Variants in RBPMS observed in about 807,000 individuals in gnomAD.
The protein encoded by RBPMS is RNA binding protein, mRNA processing factor, also known as RNA-binding protein with multiple splicing.
A neutral mutation model predicts 26.8 loss-of-function variants in RBPMS; 7 were observed. That is an observed-to-expected ratio of 0.26 (90% CI 0.15 to 0.49). RBPMS has a LOEUF of 0.49. Ranked by LOEUF, RBPMS falls within the 20% of genes least tolerant of loss-of-function variation. The probability of loss-of-function intolerance (pLI) is 0.98; values close to 1 mark genes in which losing one functional copy is unlikely to be tolerated. For missense variants in RBPMS, 186 were observed against 250.0 expected, an observed-to-expected ratio of 0.74 and a Z score of 1.73; for synonymous variants, 96 against 93.3, an observed-to-expected ratio of 1.03 and a Z score of -0.17.
chr8:30,547,801 A>AG (rs1271936518), intron 6 of RBPMS, among the ~76,000 whole-genome samples: 2 of 152,194 alleles, frequency 1.3e-5, no homozygotes, highest in Non-Finnish European at 2.9e-5. Flanking sequence ...GCGTCTAGCT[A>AG]GGGGAGCCCC....
intron 1 of RBPMS, chr8:30,446,838 TGTGTGCGC>T (rs60313548): frequency 0.11 from 9,815 of 91,678 alleles, 394 homozygotes; most frequent in African/African-American, 0.16. Context: ...TGTGTGTGTG[TGTGTGCGC>T]GCGCGCGCGC....
chr8:30,549,793 T>TCTCTCC (rs1464873852), intron 6 of RBPMS, among the ~76,000 whole-genome samples: 1 of 109,368 alleles, frequency 9.1e-6, no homozygotes, highest in African/African-American at 4.1e-5. Context: ...TCTCTCTCTC[T>TCTCTCC]CTCCCCTCTC....
chr8:30,412,965 C>T (rs746045724), intron 1 of RBPMS, among the ~76,000 whole-genome samples: 31 of 152,268 alleles, frequency 2.0e-4, no homozygotes, highest in Non-Finnish European at 3.8e-4. Flanking sequence ...ACCCAAGAAC[C>T]GTATTTGTTT....
At chr8:30,558,614 G>A (rs1827176472) in intron 6 of RBPMS, 2 of 551,268 alleles carry the variant, frequency 3.6e-6, no homozygotes, top group Non-Finnish European at 6.6e-6. Flanking sequence ...TTAAAAGGAG[G>A]ATGAGAGCAG....
At chr8:30,463,434 C>A (rs893327189) in intron 1 of RBPMS, among the ~76,000 whole-genome samples, 2 of 152,190 alleles carry the variant, frequency 1.3e-5, no homozygotes, top group Non-Finnish European at 2.9e-5. Context: ...CCAGAGGCCT[C>A]TGTTACTCAT....
intron 1 of RBPMS, among the ~76,000 whole-genome samples, chr8:30,419,428 A>G (rs1810476817): frequency 7.0e-6 from 1 of 143,216 alleles, no homozygotes; most frequent in Non-Finnish European, 1.5e-5. Context: ...CCTGGGCGAC[A>G]GAGTGAGATT....
intron 8 of RBPMS, among the ~76,000 whole-genome samples, chr8:30,570,102 A>G (rs1052452160): frequency 1.6e-4 from 24 of 152,200 alleles, no homozygotes; most frequent in East Asian, 3.8e-4. Context: ...CCCGTACGCT[A>G]TGTTTCAGTG....
rs1811429221 is a variant in RBPMS, at chr8:30,426,931, T to A, written c.66+41773T>A. Among the ~76,000 whole-genome samples, 3 of 152,198 alleles carry A rather than the reference T, an allele frequency of 2.0e-5. No individual in the cohort carries two copies. In the South Asian group the frequency reaches 6.2e-4, roughly 32 times the overall value. On this transcript the variant is annotated intron_variant, in intron 1 of 8. Coordinates refer to ENST00000397323, the MANE Select transcript of RBPMS (RefSeq NM_001008710.3). ...CTTTAGAGTATATGGCAATTCAACA[T>A]CAGAACTTGTTTACTGCCCCTTCCC...
chr8:30,542,668 G>A (rs1474950872), intron 5 of RBPMS, among the ~76,000 whole-genome samples: 4 of 152,228 alleles, frequency 2.6e-5, no homozygotes, highest in African/African-American at 9.6e-5. Flanking sequence ...AAATAGCCTG[G>A]TCGCTAAACA....
At position 30,453,814 on chromosome 8, in the gene RBPMS, AATTGAAT is replaced by A. The variant is rs1348208388; in HGVS notation, c.67-20964_67-20958del. 6.6e-5 allele frequency: 10 copies of A among 152,298 alleles called. No homozygotes were observed. The East Asian group carries it at 1.9e-3, about 29-fold the overall frequency. The allele number at this position is 152,298 out of a possible 1,614,324, so 9.4% of individuals were successfully genotyped here. ...ATCTCATCTCAGTGGGAGTAGGTAC[AATTGAAT>A]GTTATTTGTATGTTTTTTTAAAACT... On this transcript the variant is annotated intron_variant, in intron 1 of 8. Coordinates refer to ENST00000397323, the MANE Select transcript of RBPMS (RefSeq NM_001008710.3).
chr8:30,413,002 C>A (rs1809628517), intron 1 of RBPMS, among the ~76,000 whole-genome samples: 1 of 152,200 alleles, frequency 6.6e-6, no homozygotes, highest in African/African-American at 2.4e-5. Context: ...AAGATGGGGC[C>A]ACTGAAGTCC....
intron 1 of RBPMS, among the ~76,000 whole-genome samples, chr8:30,391,634 A>T (rs1232673279): frequency 6.6e-6 from 1 of 152,182 alleles, no homozygotes; most frequent in African/African-American, 2.4e-5. Flanking sequence ...CTTATTTGTC[A>T]TATGGGGATA....
At chr8:30,449,583 CTTG>C (rs1814302939) in intron 1 of RBPMS, among the ~76,000 whole-genome samples, 2 of 152,188 alleles carry the variant, frequency 1.3e-5, no homozygotes, top group African/African-American at 4.8e-5. Flanking sequence ...GTTGGCCAGG[CTTG>C]TCTCAAACTC....
chr8:30,450,673 T>G (rs1814456182), intron 1 of RBPMS, among the ~76,000 whole-genome samples: 1 of 151,446 alleles, frequency 6.6e-6, no homozygotes, highest in Admixed American at 6.6e-5. Context: ...TCCAGAGAGC[T>G]GCATGGCTGT....
chr8:30,442,682 AGGTGCGCGGCC>A (rs770936796), intron 1 of RBPMS: 9 of 152,278 alleles, frequency 5.9e-5, no homozygotes, highest in Non-Finnish European at 1.0e-4. Flanking sequence ...AAGCTGGGTC[AGGTGCGCGGCC>A]GCACTTCTGG....
At chr8:30,509,688 G>T (rs560629885) in intron 5 of RBPMS, among the ~76,000 whole-genome samples, 6 of 152,176 alleles carry the variant, frequency 3.9e-5, no homozygotes, top group Non-Finnish European at 5.9e-5. Flanking sequence ...TCAGTTTCAC[G>T]CCTGCTCTCC....
At chr8:30,553,101 C>T (rs370946702) in intron 6 of RBPMS, 2 of 152,238 alleles carry the variant, frequency 1.3e-5, no homozygotes, top group South Asian at 2.1e-4. Context: ...TAGATCATAG[C>T]GACTTAATTG....
At chr8:30,386,179 A>G (rs773689878) in intron 1 of RBPMS, among the ~76,000 whole-genome samples, 1 of 152,232 alleles carries the variant, frequency 6.6e-6, no homozygotes, top group East Asian at 1.9e-4. Flanking sequence ...ATCCTGATAT[A>G]GGTGAACACA....
At chr8:30,510,150 G>T (rs887184865) in intron 5 of RBPMS, among the ~76,000 whole-genome samples, 2 of 152,236 alleles carry the variant, frequency 1.3e-5, no homozygotes, top group East Asian at 3.9e-4. Flanking sequence ...GTAGAGCACT[G>T]TGTATTCATA....
Sources: gnomAD v4.1 joint callset for allele counts (sites outside exome capture counted in the v4.1 genomes callset) on GRCh38, gnomAD v4.1.1 for gene constraint, MANE v1.5 for transcripts, NCBI Gene and HGNC (gene_info 2026-07-23, HGNC 2026-07-21) for gene names.